Variants in TYW1 observed in about 807,000 individuals in gnomAD.
The protein encoded by TYW1 is tRNA-yW synthesizing protein 1 homolog.
TYW1 carries 46 observed loss-of-function variants against 96.2 expected under a neutral mutation model. The ratio of observed to expected loss-of-function variants is 0.48; its 90% CI spans 0.38 to 0.61. TYW1 has a LOEUF of 0.61. Among genes scored for constraint, TYW1 ranks in the 20% least tolerant of loss-of-function variants. The pLI is 0.00. For synonymous variants in TYW1, 274 were observed against 323.0 expected (o/e 0.85, Z 1.63); for missense variants, 684 against 909.6 (o/e 0.75, Z 3.19).
chr7:67,223,087 C>T (rs1221243883), intron 15 of TYW1, among the ~76,000 whole-genome samples: 1 of 152,108 alleles, frequency 6.6e-6, no homozygotes, highest in East Asian at 1.9e-4. Context: ...CTTTTCTTGA[C>T]TTTTCCCACA....
chr7:67,217,390 A>G (rs1178809631), intron 15 of TYW1, among the ~76,000 whole-genome samples: 3 of 152,008 alleles, frequency 2.0e-5, no homozygotes, highest in African/African-American at 7.3e-5. Flanking sequence ...TATAGTTTTA[A>G]GTCTTATGTT....
chr7:67,017,208 C>T (rs1413884322), intron 5 of TYW1, among the ~76,000 whole-genome samples: 1 of 152,164 alleles, frequency 6.6e-6, no homozygotes, highest in East Asian at 1.9e-4. Flanking sequence ...GTCTTGAACT[C>T]CTGGCCTGAA....
chr7:67,018,401 C>T (rs561227290), intron 6 of TYW1, among the ~76,000 whole-genome samples: 1 of 151,762 alleles, frequency 6.6e-6, no homozygotes, highest in Non-Finnish European at 1.5e-5. Flanking sequence ...TTTAGCAAGG[C>T]ATGGTGGTGC....
intron 15 of TYW1, among the ~76,000 whole-genome samples, chr7:67,202,742 A>G (rs1211700871): frequency 6.6e-6 from 1 of 152,156 alleles, no homozygotes; most frequent in Non-Finnish European, 1.5e-5. Flanking sequence ...AGAGAGTGCA[A>G]ACTGCTGCAG....
At chr7:67,029,437 A>ATGTGTGT (rs746024597) in intron 7 of TYW1, among the ~76,000 whole-genome samples, 2 of 146,540 alleles carry the variant, frequency 1.4e-5, no homozygotes, top group Non-Finnish European at 3.0e-5. Context: ...ATATATAAAT[A>ATGTGTGT]GTATTTTCTA....
chr7:67,029,897 C>T (rs1301091876), intron 7 of TYW1, among the ~76,000 whole-genome samples: 3 of 152,086 alleles, frequency 2.0e-5, no homozygotes, highest in East Asian at 1.9e-4. Context: ...GACAAGGTCT[C>T]ACCATGTTGC....
chr7:67,213,578 T>C (rs189702331), intron 15 of TYW1, among the ~76,000 whole-genome samples: 2 of 152,350 alleles, frequency 1.3e-5, no homozygotes, highest in East Asian at 1.9e-4. Context: ...GATCCTACTT[T>C]TGATGGTGTA....
intron 13 of TYW1, among the ~76,000 whole-genome samples, chr7:67,118,889 A>G (rs1436220036): frequency 3.8e-5 from 3 of 79,476 alleles, no homozygotes; most frequent in African/African-American, 1.5e-4. Context: ...AAAAAAAAAA[A>G]AAAAAAAAAA....
chr7:67,044,161 T>G (rs972883083), intron 7 of TYW1, among the ~76,000 whole-genome samples: 3 of 147,998 alleles, frequency 2.0e-5, no homozygotes, highest in African/African-American at 7.5e-5. Flanking sequence ...TGCCCAGGTG[T>G]GATCTTGGCT....
At chr7:67,107,908 A>G (rs951835266) in intron 12 of TYW1, among the ~76,000 whole-genome samples, 4 of 143,808 alleles carry the variant, frequency 2.8e-5, no homozygotes, top group African/African-American at 1.0e-4. Flanking sequence ...ATAGAGTCTC[A>G]TTCTGTCTCC....
intron 4 of TYW1, among the ~76,000 whole-genome samples, chr7:67,012,442 T>C (rs544022306): frequency 1.2e-4 from 19 of 152,336 alleles, no homozygotes; most frequent in Admixed American, 1.0e-3. Flanking sequence ...GCTTTAACTC[T>C]GTCCATTTCT....
At chr7:67,210,371 C>A (rs941544814) in intron 15 of TYW1, among the ~76,000 whole-genome samples, 2 of 152,200 alleles carry the variant, frequency 1.3e-5, no homozygotes, top group African/African-American at 4.8e-5. Flanking sequence ...TTATGACTAA[C>A]AATGCTGACC....
intron 12 of TYW1, among the ~76,000 whole-genome samples, chr7:67,114,085 A>AAT (rs1797514694): frequency 6.6e-6 from 1 of 152,252 alleles, no homozygotes; most frequent in Non-Finnish European, 1.5e-5. Context: ...TAAAGCACAC[A>AAT]GCAGAGTGTG....
intron 8 of TYW1, among the ~76,000 whole-genome samples, chr7:67,050,576 G>T (rs1584502560): frequency 1.3e-5 from 2 of 152,092 alleles, no homozygotes; most frequent in East Asian, 3.9e-4. Flanking sequence ...TTATGTGACC[G>T]TTCTGGCAAT....
At chr7:67,153,911 A>AT (rs1447328932) in intron 13 of TYW1, among the ~76,000 whole-genome samples, 2 of 143,320 alleles carry the variant, frequency 1.4e-5, no homozygotes, top group African/African-American at 2.6e-5. Context: ...TATGTCATTC[A>AT]TTTTAACGAC....
At chr7:67,114,049 G>A (rs1797513060) in intron 12 of TYW1, among the ~76,000 whole-genome samples, 1 of 152,186 alleles carries the variant, frequency 6.6e-6, no homozygotes, top group Non-Finnish European at 1.5e-5. Flanking sequence ...TTTATTGTGA[G>A]GATTCAGTGA....
rs576438551 is a variant in TYW1 at position 66,996,833 on chromosome 7, C to T, written c.-146C>T. 2 of 1,455,360 alleles carry T rather than the reference C, an allele frequency of 1.4e-6. No homozygotes were observed. Among genetic ancestry groups the T allele is most frequent in the East Asian group, 2.4e-5 (1 of 41,006 alleles). 90.2% of individuals were successfully genotyped at this position (1,455,360 alleles called of 1,614,324 possible). ...GTCCTCTGAACCAATCAGGACCGGCCTGGCAGTGTCATGGCTGCCCACAGG... is the reference window on the plus strand; with the variant it reads ...GTCCTCTGAACCAATCAGGACCGGCTTGGCAGTGTCATGGCTGCCCACAGG... On this transcript the variant is annotated 5_prime_UTR_variant, in exon 1 of 16. Coordinates refer to ENST00000359626, the MANE Select transcript of TYW1 (RefSeq NM_018264.4).
At chr7:67,002,150 C>T (rs1250388451) in intron 3 of TYW1, among the ~76,000 whole-genome samples, 3 of 151,482 alleles carry the variant, frequency 2.0e-5, no homozygotes, top group East Asian at 1.9e-4. Flanking sequence ...TGGGCTCCAG[C>T]GATTCTCCTG....
intron 15 of TYW1, among the ~76,000 whole-genome samples, chr7:67,213,167 C>T (rs1258152891): frequency 5.8e-5 from 8 of 137,416 alleles, no homozygotes; most frequent in Non-Finnish European, 8.0e-5. Context: ...CCACCACGCC[C>T]GGCCCTTTTT....
Sources: gnomAD v4.1 joint callset for allele counts (sites outside exome capture counted in the v4.1 genomes callset) on GRCh38, gnomAD v4.1.1 for gene constraint, MANE v1.5 for transcripts, NCBI Gene and HGNC (gene_info 2026-07-23, HGNC 2026-07-21) for gene names.